Variants in GABBR2 observed in about 807,000 individuals in gnomAD.
The protein encoded by GABBR2 is G-protein coupled receptor 51.
Under a neutral mutation model 105.6 loss-of-function variants are expected in GABBR2, and 23 were observed. The observed-to-expected ratio is 0.22, with a 90% CI of 0.16 to 0.31. The LOEUF (loss-of-function observed/expected upper bound fraction) is 0.31, where lower values mean the gene tolerates loss of function less well. Among genes scored for constraint, GABBR2 ranks in the 10% least tolerant of loss-of-function variants. The probability of loss-of-function intolerance (pLI) is 1.00; values close to 1 mark genes in which losing one functional copy is unlikely to be tolerated. For missense variants in GABBR2, 734 were observed against 1,245.5 expected (o/e 0.59, Z 6.18); for synonymous variants, 478 against 499.7 (o/e 0.96, Z 0.58).
rs1220207736 is a variant in GABBR2 at position 98,351,168 on chromosome 9, C to CT, written c.1893+11546dup. Among the ~76,000 whole-genome samples the CT allele has an allele frequency of 4.5e-3, 383 of 85,338 alleles. 4 individuals carry two copies. In the Admixed American group the frequency reaches 0.045, roughly 10 times the overall value. The allele number at this position is 85,338 out of a possible 152,430, so 56.0% of individuals were successfully genotyped here. Reference sequence around the variant, plus strand: ...ATTCTTGTAGGCAGCTTATAGTTGGCTTTTTAAAAAAAATCCATTCATCCA... The same window carrying CT: ...ATTCTTGTAGGCAGCTTATAGTTGGCTTTTTTAAAAAAAATCCATTCATCCA... On this transcript the variant is annotated intron_variant, in intron 13 of 18. Coordinates refer to ENST00000259455, the MANE Select transcript of GABBR2 (RefSeq NM_005458.8).
intron 1 of GABBR2, among the ~76,000 whole-genome samples, chr9:98,609,393 T>C (rs1348800458): frequency 6.6e-6 from 1 of 152,174 alleles, no homozygotes; most frequent in Non-Finnish European, 1.5e-5. Flanking sequence ...TCCCTGCAGT[T>C]TCTCGCACCT....
At chr9:98,452,197 C>T (rs1826244518) in intron 7 of GABBR2, among the ~76,000 whole-genome samples, 1 of 152,222 alleles carries the variant, frequency 6.6e-6, no homozygotes. Flanking sequence ...CACAGGCATG[C>T]ATGAATATGC....
chr9:98,533,150 C>T (rs1828100893), intron 3 of GABBR2, among the ~76,000 whole-genome samples: 1 of 152,176 alleles, frequency 6.6e-6, no homozygotes, highest in African/African-American at 2.4e-5. Flanking sequence ...GCAACGATCC[C>T]CCCTTGCCAA....
chr9:98,314,648 C>G (rs1238698073), intron 13 of GABBR2, among the ~76,000 whole-genome samples: 1 of 152,182 alleles, frequency 6.6e-6, no homozygotes, highest in East Asian at 1.9e-4. Flanking sequence ...GGAGCCACAG[C>G]CTTCTCCTCC....
intron 4 of GABBR2, among the ~76,000 whole-genome samples, chr9:98,481,579 C>T (rs1826923675): frequency 6.6e-6 from 1 of 152,128 alleles, no homozygotes; most frequent in Admixed American, 6.5e-5. Flanking sequence ...TTGCTTTGAG[C>T]TTTGTTCGCA....
Position 98,288,475 on chromosome 9 carries a change from C to T in GABBR2, c.*2109G>A, listed in dbSNP as rs897100812. On this transcript the variant is annotated 3_prime_UTR_variant, in exon 19 of 19. Coordinates refer to ENST00000259455, the MANE Select transcript of GABBR2 (RefSeq NM_005458.8). Reference sequence around the variant, plus strand: ...AAAGGGTTACAGACGCACAGGCTCACCTCCGACAGTCCAATACTTTTGTTT... The same window carrying T: ...AAAGGGTTACAGACGCACAGGCTCATCTCCGACAGTCCAATACTTTTGTTT... 6.6e-6 allele frequency: 1 copy of T among 152,620 alleles called. No individual in the cohort carries two copies. Among genetic ancestry groups the T allele is most frequent in the African/African-American group, 2.4e-5 (1 of 41,432 alleles). 9.5% of individuals were successfully genotyped at this position (152,620 alleles called of 1,614,324 possible).
chr9:98,509,484 G>GA (rs1305208702), intron 3 of GABBR2, among the ~76,000 whole-genome samples: 1 of 152,162 alleles, frequency 6.6e-6, no homozygotes, highest in Non-Finnish European at 1.5e-5. Flanking sequence ...GCTACAGGAG[G>GA]AAATTCGAAC....
intron 13 of GABBR2, among the ~76,000 whole-genome samples, chr9:98,324,625 T>G (rs1431506267): frequency 6.6e-6 from 1 of 151,936 alleles, no homozygotes; most frequent in East Asian, 1.9e-4. Context: ...GCCACAAAAG[T>G]GCAATGTTGC....
At chr9:98,600,950 G>C (rs1346785040) in intron 1 of GABBR2, among the ~76,000 whole-genome samples, 2 of 152,136 alleles carry the variant, frequency 1.3e-5, no homozygotes, top group African/African-American at 2.4e-5. Context: ...TGATCAAAAG[G>C]CTTTCATGGC....
chr9:98,346,098 G>A (rs1253184995), intron 13 of GABBR2, among the ~76,000 whole-genome samples: 2 of 152,342 alleles, frequency 1.3e-5, no homozygotes, highest in South Asian at 2.1e-4. Context: ...ACTGACCCAC[G>A]TGTGGTTTCT....
chr9:98,425,015 G>T (rs188095731), intron 7 of GABBR2, among the ~76,000 whole-genome samples: 2 of 151,916 alleles, frequency 1.3e-5, no homozygotes, highest in Non-Finnish European at 2.9e-5. Flanking sequence ...AAAAGAGCCC[G>T]CATCGCCAAG....
chr9:98,670,053 G>C (rs7853807), intron 1 of GABBR2, among the ~76,000 whole-genome samples: 123,657 of 152,146 alleles, frequency 0.81, 50,354 homozygotes, highest in Middle Eastern at 0.91. Flanking sequence ...GATGGGACTA[G>C]GGGAGGATGA....
chr9:98,304,642 G>A (rs891616067), intron 15 of GABBR2, among the ~76,000 whole-genome samples: 8 of 152,192 alleles, frequency 5.3e-5, no homozygotes, highest in African/African-American at 1.9e-4. Flanking sequence ...CCAGGAGGAT[G>A]GAGGCACCAT....
Position 98,436,364 on chromosome 9 carries a change from T to C in GABBR2, c.1236+17617A>G, listed in dbSNP as rs1375233955. Among the ~76,000 whole-genome samples, 48 of 7,040 alleles carry C rather than the reference T, an allele frequency of 6.8e-3. 1 individual carries two copies. The highest frequency in any genetic ancestry group is 0.011 in the East Asian group (2 of 176). 4.6% of individuals were successfully genotyped at this position (7,040 alleles called of 152,430 possible). A position where few individuals can be genotyped will look rare whatever the true frequency, so the allele number is the denominator to read the frequency against. ...CACACACACCATATATATATATATATATATATATATATATATATATATATA... is the reference window on the plus strand; with the variant it reads ...CACACACACCATATATATATATATACATATATATATATATATATATATATA... On this transcript the variant is annotated intron_variant, in intron 7 of 18. Coordinates refer to ENST00000259455, the MANE Select transcript of GABBR2 (RefSeq NM_005458.8).
At position 98,385,580 on chromosome 9, in the gene GABBR2, G is replaced by A. The variant is rs16915478; in HGVS notation, c.1662+60C>T. On this transcript the variant is annotated intron_variant, in intron 11 of 18. Coordinates refer to ENST00000259455, the MANE Select transcript of GABBR2 (RefSeq NM_005458.8). Reference sequence around the variant, plus strand: ...CTGGGTTTGCATCTGTGTTTTCGATGACTGAGGTCACCAAGGAAACTTTCT... The same window carrying A: ...CTGGGTTTGCATCTGTGTTTTCGATAACTGAGGTCACCAAGGAAACTTTCT... The A allele has an allele frequency of 0.014, 20,263 of 1,426,350 alleles. 196 individuals are homozygous for A. Among genetic ancestry groups the A allele is most frequent in the African/African-American group, 0.032 (2,260 of 70,914 alleles). 88.4% of individuals were successfully genotyped at this position (1,426,350 alleles called of 1,614,324 possible). A position where few individuals can be genotyped will look rare whatever the true frequency, so the allele number is the denominator to read the frequency against.
At chr9:98,432,677 G>C (rs1001738692) in intron 7 of GABBR2, among the ~76,000 whole-genome samples, 2 of 152,162 alleles carry the variant, frequency 1.3e-5, no homozygotes, top group African/African-American at 4.8e-5. Flanking sequence ...AGTAAATGTT[G>C]GTTCTCATCA....
chr9:98,540,182 TG>T (rs1484157497), intron 3 of GABBR2, among the ~76,000 whole-genome samples: 2 of 151,994 alleles, frequency 1.3e-5, no homozygotes, highest in African/African-American at 4.8e-5. Context: ...AACAGAGAGG[TG>T]GGAAGATGAC....
At chr9:98,292,208 C>T (rs868276286) in intron 18 of GABBR2, among the ~76,000 whole-genome samples, 16 of 152,162 alleles carry the variant, frequency 1.1e-4, no homozygotes, top group South Asian at 2.1e-4. Flanking sequence ...TGGCCACTCA[C>T]GTGCAAAAAA....
intron 3 of GABBR2, 125 bp from the exon 4 acceptor site, chr9:98,496,639 T>C (rs1224322599): frequency 1.5e-6 from 1 of 686,576 alleles, no homozygotes; most frequent in South Asian, 1.6e-5. Context: ...GCAAAGTGAG[T>C]GGTTTTGTTT....
Sources: allele counts gnomAD v4.1 joint callset (sites outside exome capture counted in the v4.1 genomes callset), GRCh38; gene constraint gnomAD v4.1.1; transcripts MANE v1.5; gene names NCBI Gene and HGNC (gene_info 2026-07-23, HGNC 2026-07-21).